TMEM108: variants seen among roughly 807,000 people sequenced by gnomAD.
TMEM108 encodes the protein transmembrane protein 108.
TMEM108 carries 12 observed loss-of-function variants against 35.1 expected under a neutral mutation model. The ratio of observed to expected loss-of-function variants is 0.34; its 90% CI spans 0.22 to 0.55. The LOEUF is 0.55. TMEM108 is among the 20% of genes least tolerant of loss of function. The pLI, the probability that TMEM108 is intolerant of heterozygous loss-of-function variation, is 0.89. For missense variants in TMEM108, 680 were observed against 753.3 expected, an observed-to-expected ratio of 0.90 and a Z score of 1.14; for synonymous variants, 287 against 308.6, an observed-to-expected ratio of 0.93 and a Z score of 0.73.
intron 2 of TMEM108, among the ~76,000 whole-genome samples, chr3:133,089,810 C>G (rs1049711154): frequency 6.6e-6 from 1 of 152,186 alleles, no homozygotes; most frequent in East Asian, 1.9e-4. Flanking sequence ...GCAGGTCTGA[C>G]TATCTTGAAT....
intron 3 of TMEM108, among the ~76,000 whole-genome samples, chr3:133,265,794 C>T (rs894382083): frequency 2.6e-5 from 4 of 152,202 alleles, no homozygotes; most frequent in Admixed American, 6.5e-5. Context: ...TTATTTGGCT[C>T]TTTGTAGAAA....
intron 3 of TMEM108, among the ~76,000 whole-genome samples, chr3:133,321,174 C>T (rs2071262951): frequency 6.6e-6 from 1 of 152,090 alleles, no homozygotes. Flanking sequence ...ATCTCAATAA[C>T]ATTGAATGTA....
chr3:133,144,133 C>T (rs553610921), intron 2 of TMEM108, among the ~76,000 whole-genome samples: 8 of 152,110 alleles, frequency 5.3e-5, no homozygotes, highest in Non-Finnish European at 1.0e-4. Context: ...GCCGCCCACA[C>T]CCTGACAGGC....
At chr3:133,065,246 G>A (rs1205238721) in intron 2 of TMEM108, among the ~76,000 whole-genome samples, 1 of 152,006 alleles carries the variant, frequency 6.6e-6, no homozygotes, top group Non-Finnish European at 1.5e-5. Flanking sequence ...GTGTGGTTGT[G>A]TGTAAGGATA....
intron 3 of TMEM108, among the ~76,000 whole-genome samples, chr3:133,263,329 G>T (rs901070943): frequency 6.6e-6 from 1 of 152,206 alleles, no homozygotes; most frequent in African/African-American, 2.4e-5. Context: ...CTGAGTGTTT[G>T]CTGCCTTTAA....
In TMEM108 at chr3:133,343,864, G is replaced by A. The variant is rs143362056; in HGVS notation, c.41-35888G>A. ...AATCAACTAGATTTGAGAGTCCAGG[G>A]TTGGACTGCAGACTGGGGAAAGTGA... On this transcript the variant is annotated intron_variant, in intron 3 of 5. Transcript: ENST00000321871. 4.5e-4 allele frequency among the ~76,000 whole-genome samples: 68 copies of A among 151,956 alleles called. 2 individuals carry two copies. The East Asian group carries it at 0.011, about 24-fold the overall frequency.
chr3:133,207,014 T>A (rs1945766037), intron 2 of TMEM108, among the ~76,000 whole-genome samples: 2 of 152,112 alleles, frequency 1.3e-5, no homozygotes, highest in African/African-American at 2.4e-5. Flanking sequence ...AGAGGAGGAA[T>A]CTAGGGAGGC....
At chr3:133,078,589 T>C (rs1489358103) in intron 2 of TMEM108, among the ~76,000 whole-genome samples, 1 of 152,182 alleles carries the variant, frequency 6.6e-6, no homozygotes, top group Non-Finnish European at 1.5e-5. Context: ...GAGTTTTAAT[T>C]ATTGATAGCA....
At chr3:133,320,470 T>TG (rs1298829303) in intron 3 of TMEM108, among the ~76,000 whole-genome samples, 2 of 110,640 alleles carry the variant, frequency 1.8e-5, no homozygotes, top group Non-Finnish European at 4.0e-5. Flanking sequence ...AGTTACCCAA[T>TG]GAGAAAAAGA....
chr3:133,046,330 G>A (rs1232255553), intron 2 of TMEM108, among the ~76,000 whole-genome samples: 2 of 152,204 alleles, frequency 1.3e-5, no homozygotes, highest in African/African-American at 4.8e-5. Flanking sequence ...GTAAAGATGG[G>A]AACAGGGCCT....
At chr3:133,114,906 CT>C in intron 2 of TMEM108, among the ~76,000 whole-genome samples, 1 of 152,142 alleles carries the variant, frequency 6.6e-6, no homozygotes, top group East Asian at 1.9e-4. Flanking sequence ...AGTAGCTTCC[CT>C]TTTTTTCCCA....
At chr3:133,366,981 TG>T (rs1162253462) in intron 3 of TMEM108, among the ~76,000 whole-genome samples, 1 of 152,234 alleles carries the variant, frequency 6.6e-6, no homozygotes, top group Non-Finnish European at 1.5e-5. Context: ...CTGCATCTGC[TG>T]GTAAAAAGCA....
intron 3 of TMEM108, among the ~76,000 whole-genome samples, chr3:133,272,272 C>CGTGTGTAT (rs1553755047): frequency 7.3e-6 from 1 of 137,726 alleles, no homozygotes; most frequent in African/African-American, 2.7e-5. Context: ...CATACACGTA[C>CGTGTGTAT]GTGTGTGTGT....
At chr3:133,233,866 T>C (rs1257802517) in intron 3 of TMEM108, among the ~76,000 whole-genome samples, 3 of 151,734 alleles carry the variant, frequency 2.0e-5, no homozygotes, top group South Asian at 2.1e-4. Context: ...TCATATCCTT[T>C]GCCCACTTTT....
At position 133,047,723 on chromosome 3, in the gene TMEM108, A is replaced by G. The variant is rs898414476; in HGVS notation, c.-47+1703A>G. Reference sequence around the variant, plus strand: ...ACTGCTGAAGGGATATAGTGATTCAATCTTGCTCTGAATTTCTCTGGTATC... The same window carrying G: ...ACTGCTGAAGGGATATAGTGATTCAGTCTTGCTCTGAATTTCTCTGGTATC... On this transcript the variant is annotated intron_variant, in intron 2 of 5. Coordinates refer to ENST00000321871, the MANE Select transcript of TMEM108 (RefSeq NM_023943.4). 5.3e-5 allele frequency among the ~76,000 whole-genome samples: 8 copies of G among 152,192 alleles called. No individual in the cohort carries two copies. The East Asian group carries it at 5.8e-4, about 11-fold the overall frequency.
intron 2 of TMEM108, among the ~76,000 whole-genome samples, chr3:133,121,883 A>C (rs551182863): frequency 5.9e-5 from 9 of 152,170 alleles, no homozygotes; most frequent in Non-Finnish European, 1.2e-4. Flanking sequence ...TTTTTAACGG[A>C]GTGTTCCTTC....
chr3:133,039,729 C>A (rs889644159), intron 1 of TMEM108, among the ~76,000 whole-genome samples: 1 of 152,174 alleles, frequency 6.6e-6, no homozygotes, highest in Non-Finnish European at 1.5e-5. Context: ...GGACTTTCCA[C>A]GTAATTTATT....
chr3:133,120,331 T>C (rs976696754), intron 2 of TMEM108, among the ~76,000 whole-genome samples: 11 of 152,220 alleles, frequency 7.2e-5, no homozygotes, highest in African/African-American at 2.7e-4. Flanking sequence ...TTCAAATATT[T>C]TGAGGGACAA....
At chr3:133,137,809 A>G (rs1048395603) in intron 2 of TMEM108, among the ~76,000 whole-genome samples, 3 of 152,184 alleles carry the variant, frequency 2.0e-5, no homozygotes, top group Non-Finnish European at 2.9e-5. Context: ...AAAGGAACAT[A>G]TAAAGGTTGT....
Sources: gnomAD v4.1 joint callset for allele counts (sites outside exome capture counted in the v4.1 genomes callset) on GRCh38, gnomAD v4.1.1 for gene constraint, MANE v1.5 for transcripts, NCBI Gene and HGNC (gene_info 2026-07-23, HGNC 2026-07-21) for gene names.